ASTN1: variants seen among roughly 807,000 people sequenced by gnomAD.
ASTN1 encodes astrotactin 1, also known as astrotactin-1.
In ASTN1, 41 loss-of-function variants were observed where a neutral mutation model predicts 140.7. That is an observed-to-expected ratio of 0.29 (90% confidence interval 0.23 to 0.38). ASTN1 has a LOEUF of 0.38. Among genes scored for constraint, ASTN1 ranks in the 10% least tolerant of loss-of-function variants. The pLI is 1.00. For missense variants in ASTN1, 1,479 were observed against 1,678.8 expected (o/e 0.88, Z 2.08); for synonymous variants, 640 against 652.2 (o/e 0.98, Z 0.29).
intron 1 of ASTN1, among the ~76,000 whole-genome samples, chr1:177,100,540 T>C (rs1680250680): frequency 1.3e-5 from 2 of 152,186 alleles, no homozygotes; most frequent in Middle Eastern, 6.8e-3. Flanking sequence ...AAGCTGAGGA[T>C]TTGACATCGA....
At chr1:177,143,240 C>A (rs571441711) in intron 1 of ASTN1, among the ~76,000 whole-genome samples, 1 of 152,276 alleles carries the variant, frequency 6.6e-6, no homozygotes, top group South Asian at 2.1e-4. Flanking sequence ...TTTACATTTC[C>A]CTCTCAAATC....
intron 16 of ASTN1, among the ~76,000 whole-genome samples, chr1:176,925,528 A>G (rs982992617): frequency 3.3e-5 from 5 of 152,186 alleles, no homozygotes; most frequent in Admixed American, 2.6e-4. Context: ...GACAAAAACT[A>G]TTCCAACAAC....
At chr1:177,050,768 A>G (rs1677501867) in intron 2 of ASTN1, among the ~76,000 whole-genome samples, 1 of 152,196 alleles carries the variant, frequency 6.6e-6, no homozygotes, top group African/African-American at 2.4e-5. Flanking sequence ...ACTCTTAAAG[A>G]TACGTAACAG....
chr1:177,107,171 T>A (rs1011138210), intron 1 of ASTN1, among the ~76,000 whole-genome samples: 1 of 152,152 alleles, frequency 6.6e-6, no homozygotes, highest in Non-Finnish European at 1.5e-5. Flanking sequence ...TCCCCAGACC[T>A]GCTGAACCAG....
chr1:177,131,847 T>C (rs1166183886), intron 1 of ASTN1, among the ~76,000 whole-genome samples: 1 of 152,138 alleles, frequency 6.6e-6, no homozygotes, highest in East Asian at 1.9e-4. Context: ...AGGAGAGCTA[T>C]CGGTGAGAGA....
chr1:176,917,684 C>T (rs554725664), intron 16 of ASTN1, among the ~76,000 whole-genome samples: 8 of 152,216 alleles, frequency 5.3e-5, no homozygotes, highest in African/African-American at 1.4e-4. Context: ...GAGAGAGGGC[C>T]GCAGTGCAAG....
At chr1:176,874,700 A>G (rs1042458013) in intron 21 of ASTN1, among the ~76,000 whole-genome samples, 2 of 152,162 alleles carry the variant, frequency 1.3e-5, no homozygotes, top group African/African-American at 2.4e-5. Context: ...ACTTTTACTG[A>G]ATATTATTAT....
intron 16 of ASTN1, among the ~76,000 whole-genome samples, chr1:176,895,242 A>T (rs761806027): frequency 1.6e-4 from 24 of 152,266 alleles, no homozygotes; most frequent in Non-Finnish European, 3.2e-4. Flanking sequence ...TTTATAAAGC[A>T]CATAACACAA....
In ASTN1 at chr1:176,945,958, C is replaced by T. The variant is rs954947699; in HGVS notation, c.2217G>A (p.Val739=). ...FFGYNNHSKE[V]AAGQVLKGTF... ...TTCCTTTCAGCACCTGTCCGGCAGC[C>T]ACTTCCTTGGAATGGTTGTTGTAAC... Residue 739 remains valine (V), a synonymous_variant, in exon 13 of 23, where the codon GTG becomes GTA. Coordinates refer to ENST00000361833, the MANE Select transcript of ASTN1 (RefSeq NM_004319.3). 6.2e-7 allele frequency: 1 copy of T among 1,613,386 alleles called. No homozygotes were observed. Among genetic ancestry groups the T allele is most frequent in the South Asian group, 1.1e-5 (1 of 90,948 alleles).
chr1:177,138,141 G>A (rs1682288215), intron 1 of ASTN1, among the ~76,000 whole-genome samples: 4 of 152,152 alleles, frequency 2.6e-5, no homozygotes, highest in Admixed American at 2.6e-4. Flanking sequence ...AACCATCAGG[G>A]AGAAAGAAAG....
chr1:177,065,134 A>G (rs1678290100), intron 1 of ASTN1, among the ~76,000 whole-genome samples: 1 of 152,190 alleles, frequency 6.6e-6, no homozygotes, highest in South Asian at 2.1e-4. Flanking sequence ...CCTTTTTCAC[A>G]GTGTACTGAA....
chr1:177,089,742 T>G (rs1390756148), intron 1 of ASTN1, among the ~76,000 whole-genome samples: 1 of 152,120 alleles, frequency 6.6e-6, no homozygotes, highest in Non-Finnish European at 1.5e-5. Flanking sequence ...TCAGGCATGC[T>G]GGGTCCTCTG....
intron 1 of ASTN1, among the ~76,000 whole-genome samples, chr1:177,136,642 C>T (rs1283357726): frequency 6.6e-6 from 1 of 152,190 alleles, no homozygotes; most frequent in Non-Finnish European, 1.5e-5. Context: ...GCGTCAGCCA[C>T]TGTGCCTGGC....
chr1:177,029,845 G>A (rs1186632928), intron 4 of ASTN1, 104 bp from the exon 5 acceptor site: 3 of 1,101,954 alleles, frequency 2.7e-6, no homozygotes, highest in Middle Eastern at 2.0e-4. Flanking sequence ...ATGAAAGTAA[G>A]CTGACTGATA....
At chr1:176,890,558 G>A (rs1466214601) in intron 17 of ASTN1, among the ~76,000 whole-genome samples, 3 of 152,208 alleles carry the variant, frequency 2.0e-5, no homozygotes, top group African/African-American at 7.2e-5. Context: ...GGTGAGGCAG[G>A]GGGCCACATT....
At chr1:177,093,277 G>C (rs1679856034) in intron 1 of ASTN1, among the ~76,000 whole-genome samples, 1 of 152,130 alleles carries the variant, frequency 6.6e-6, no homozygotes, top group Non-Finnish European at 1.5e-5. Context: ...TAGTGCAGAA[G>C]GCCTTGCCAA....
chr1:177,092,678 A>G (rs917603445), intron 1 of ASTN1, among the ~76,000 whole-genome samples: 9 of 152,164 alleles, frequency 5.9e-5, no homozygotes, highest in African/African-American at 2.2e-4. Context: ...ATTTTGGTAT[A>G]TGGCATGGGG....
chr1:176,944,475 G>A (rs898077838), intron 13 of ASTN1, among the ~76,000 whole-genome samples: 1 of 152,122 alleles, frequency 6.6e-6, no homozygotes, highest in Non-Finnish European at 1.5e-5. Flanking sequence ...TGCCAAGACT[G>A]GTCTCAAACT....
chr1:176,861,022 C>T (rs116305483), downstream of ASTN1: 1,321 of 906,706 alleles, frequency 1.5e-3, 20 homozygotes, highest in African/African-American at 0.023. Flanking sequence ...ATGAGTCTAA[C>T]CAGTTCACTC....
Sources: gnomAD v4.1 joint callset for allele counts (sites outside exome capture counted in the v4.1 genomes callset) on GRCh38, gnomAD v4.1.1 for gene constraint, MANE v1.5 for transcripts, NCBI Gene and HGNC (gene_info 2026-07-23, HGNC 2026-07-21) for gene names.